Variants in LCN8 observed in about 807,000 individuals in gnomAD.
LCN8 encodes lipocalin 8.
Under a neutral mutation model 22.8 loss-of-function variants are expected in LCN8, and 16 were observed. The observed-to-expected ratio is 0.70, with a 90% CI of 0.47 to 1.06. LCN8 has a LOEUF of 1.06. Among genes scored for constraint, LCN8 ranks in the 50% least tolerant of loss-of-function variants. The pLI, the probability that LCN8 is intolerant of heterozygous loss-of-function variation, is 0.00. For synonymous variants in LCN8, 92 were observed against 83.4 expected (o/e 1.10, Z -0.56); for missense variants, 189 against 203.3 (o/e 0.93, Z 0.43).
intron 2 of LCN8, 52 bp downstream of exon 2, chr9:136,756,986 A>G: frequency 6.3e-7 from 1 of 1,591,306 alleles, no homozygotes; most frequent in Non-Finnish European, 8.6e-7. Flanking sequence ...ACCCACGCCC[A>G]GTCCCCGGCC....
intron 6 of LCN8, 37 bp from the exon 7 acceptor site, chr9:136,754,546 G>T (rs1847137555): frequency 6.5e-7 from 1 of 1,548,458 alleles, no homozygotes; most frequent in African/African-American, 1.4e-5. Context: ...GGCCCGTGTG[G>T]TCTCTGGAGG....
At chr9:136,754,663 G>A (rs1257489552) in intron 6 of LCN8, 154 bp from the exon 7 acceptor site, 2 of 1,433,770 alleles carry the variant, frequency 1.4e-6, no homozygotes, top group Non-Finnish European at 1.8e-6. Context: ...TGCAAAATGG[G>A]GTAACAGGCC....
Position 136,757,161 on chromosome 9 carries a change from C to T in LCN8, c.32G>A (p.Gly11Glu). The change falls in exon 2 of 7, where the codon GGA becomes GAA. Residue 11 changes from glycine to glutamate, a missense_variant. Coordinates refer to ENST00000371688, the MANE Select transcript of LCN8 (RefSeq NM_178469.4). ...GGCCACACCGACTTCCCTCCAGAATCCTCCAATCTAGAGAGATACGGAGCC... is the reference window on the plus strand; with the variant it reads ...GGCCACACCGACTTCCCTCCAGAATTCTCCAATCTAGAGAGATACGGAGCC... MEELDRQKIGGFWREVGVASD... is the reference protein window; with the variant it reads MEELDRQKIGEFWREVGVASD... 1 of 1,612,522 alleles carries T rather than the reference C, an allele frequency of 6.2e-7. No individual in the cohort carries two copies. The highest frequency in any genetic ancestry group is 8.5e-7 in the Non-Finnish European group (1 of 1,179,374).
intron 3 of LCN8, chr9:136,756,081 CAGGGAACAGCAT>C (rs1847185595): frequency 7.8e-7 from 1 of 1,286,168 alleles, no homozygotes; most frequent in Non-Finnish European, 1.0e-6. Context: ...GGGAGCATTG[CAGGGAACAGCAT>C]GGGGAACAGT....
At position 136,755,392 on chromosome 9, in the gene LCN8, C is replaced by T. The variant is rs532072157; in HGVS notation, c.331+20G>A. ...CTGGGAGAGCAGCAGCTGGGCAGAG[C>T]CCCCCAGGGCCAAGCTTACTAAAGT... On this transcript the variant is annotated intron_variant, in intron 4 of 6. Transcript: ENST00000371688. The T allele has an allele frequency of 3.9e-5, 63 of 1,610,608 alleles. No homozygotes were observed. The highest frequency in any genetic ancestry group is 5.2e-5 in the Non-Finnish European group (61 of 1,179,924).
chr9:136,756,033 T>TGGGGAACAGTGCAGGGAGCAGTGC (rs1264436215), intron 3 of LCN8: 2 of 1,283,526 alleles, frequency 1.6e-6, no homozygotes, highest in Non-Finnish European at 2.0e-6. Context: ...GGAAACAGCA[T>TGGGGAACAGTGCAGGGAGCAGTGC]GGGGAACAGT....
At chr9:136,756,806 T>C (rs916992485) in intron 2 of LCN8, among the ~76,000 whole-genome samples, 1 of 152,210 alleles carries the variant, frequency 6.6e-6, no homozygotes, top group African/African-American at 2.4e-5. Context: ...ACACCCCTTT[T>C]CCTTCCTTCT....
chr9:136,757,932 G>T lies in LCN8; in HGVS notation c.-2C>A, dbSNP rs1291333871. 1 of 1,613,316 alleles carries T rather than the reference G, an allele frequency of 6.2e-7. No individual in the cohort carries two copies. The highest frequency in any genetic ancestry group is 1.3e-5 in the African/African-American group (1 of 74,912). Reference sequence around the variant, plus strand: ...CTTCTGCCGGTCCAGCTCCTCCATGGCTGCTGCCACCTGCGCCCGGAGCAC... The same window carrying T: ...CTTCTGCCGGTCCAGCTCCTCCATGTCTGCTGCCACCTGCGCCCGGAGCAC... On this transcript the variant is annotated 5_prime_UTR_variant, in exon 1 of 7. Coordinates refer to ENST00000371688, the MANE Select transcript of LCN8 (RefSeq NM_178469.4).
At position 136,756,559 on chromosome 9, in the gene LCN8, G is replaced by T. The variant is rs1040951456; in HGVS notation, c.189C>A (p.Gly63=). The change falls in exon 3 of 7, where the codon GGC becomes GGA. Residue 63 remains glycine (G), a synonymous_variant. Coordinates refer to ENST00000371688, the MANE Select transcript of LCN8 (RefSeq NM_178469.4). ...ATTTTCCCGTACTGTCTATTTCTGA[G>T]CCCACGATCTTCTCTATCTCACAGC... ...SGSCEIEKIV[G]SEIDSTGKFA... 3.1e-6 allele frequency: 5 copies of T among 1,613,882 alleles called. No individual in the cohort carries two copies. The Admixed American group carries it at 8.3e-5, about 27-fold the overall frequency.
At chr9:136,757,234 G>A (rs1361231211) in intron 1 of LCN8, 66 bp from the exon 2 acceptor site, 25 of 1,565,960 alleles carry the variant, frequency 1.6e-5, no homozygotes, top group Non-Finnish European at 1.6e-5. Context: ...GGCATTCCAC[G>A]AACCCCCGGG....
intron 6 of LCN8, 88 bp downstream of exon 6, chr9:136,755,047 C>T (rs1337528445): frequency 1.2e-5 from 18 of 1,445,126 alleles, no homozygotes; most frequent in South Asian, 4.5e-5. Context: ...GGCCGGGAGG[C>T]GGAGCCACGG....
intron 6 of LCN8, 146 bp downstream of exon 6, chr9:136,754,989 G>A: frequency 7.0e-7 from 1 of 1,421,970 alleles, no homozygotes; most frequent in South Asian, 1.6e-5. Flanking sequence ...GCCCACCAGT[G>A]GTGTTTGGTG....
Position 136,755,226 on chromosome 9 carries a change from C to T in LCN8, c.421+18G>A. On this transcript the variant is annotated intron_variant, in intron 5 of 6. Transcript: ENST00000371688. The stretch of plus-strand genomic sequence containing the variant: ...ACAGGGCCCAGCCCAGCCTCCACCC[C>T]AAGGCCCCTGGGCTCACCAGGCCGG... 2 of 1,612,116 alleles carry T rather than the reference C, an allele frequency of 1.2e-6. No individual in the cohort carries two copies. The highest frequency in any genetic ancestry group is 2.2e-5 in the South Asian group (2 of 90,952).
rs1289547908 is a variant in LCN8 at position 136,755,259 on chromosome 9, G to C, written c.406C>G (p.Leu136Val). Residue 136 changes from leucine (L) to valine (V), a missense_variant, in exon 5 of 7, where the codon CTG (leucine) becomes GTG (valine). Transcript: ENST00000371688. The part of the protein sequence containing the change: ...RELTADTGLY[L>V]AARPGRCAEL... ...CTGGGCTCACCAGGCCGGGCCGCCA[G>C]GTAGAGACCAGTGTCTGCTGTCAGC... The C allele has an allele frequency of 6.2e-7, 1 of 1,612,576 alleles. No individual in the cohort carries two copies. The highest frequency in any genetic ancestry group is 1.3e-5 in the African/African-American group (1 of 75,078).
At chr9:136,758,329 GT>G (rs1847257461), upstream of LCN8, 11 of 1,105,364 alleles carry the variant, frequency 1.0e-5, no homozygotes, top group Non-Finnish European at 1.2e-5. Flanking sequence ...CATGACACTT[GT>G]TTTTTTGGGC....
chr9:136,756,071 GGGAGCATTGCA>G, intron 3 of LCN8: 1 of 1,301,424 alleles, frequency 7.7e-7, no homozygotes, highest in African/African-American at 1.5e-5. Flanking sequence ...GAACAGTGCA[GGGAGCATTGCA>G]GGGAACAGCA....
In LCN8 at chr9:136,757,087, A is replaced by G. The variant is rs1451271595; in HGVS notation, c.106T>C (p.Phe36Leu). ...AGGTTACTCCCGCTCAAGGTGAGGA[A>G]CAAGCCCTCCACCCGCTTCGGGGCC... ...LTAPKRVEGL[F>L]LTLSGSNLTV... is the part of the protein sequence containing the mutation. The change falls in exon 2 of 7, where the codon TTC becomes CTC. Residue 36 changes from phenylalanine (F) to leucine (L), a missense_variant. Phe to Leu is a conservative substitution (Grantham distance 22). Transcript: ENST00000371688. The G allele has an allele frequency of 6.2e-7, 1 of 1,613,632 alleles. No individual in the cohort carries two copies. Among genetic ancestry groups the G allele is most frequent in the South Asian group, 1.1e-5 (1 of 90,946 alleles).
At chr9:136,755,594 C>A (rs1847166298) in intron 3 of LCN8, 78 bp from the exon 4 acceptor site, 1 of 1,542,882 alleles carries the variant, frequency 6.5e-7, no homozygotes, top group East Asian at 2.4e-5. Context: ...CAGGGTCTAA[C>A]TCCATCCTGC....
rs1235979167 is a variant in LCN8 at position 136,754,552 on chromosome 9, G to T, written c.448-43C>A. 6 of 1,547,246 alleles carry T rather than the reference G, an allele frequency of 3.9e-6. No individual in the cohort carries two copies. The African/African-American group carries it at 6.8e-5, about 18-fold the overall frequency. ...AGGGGCTCAGGCCCGTGTGGTCTCT[G>T]GAGGCCCCACGGGGCTTCGATGAGG... On this transcript the variant is annotated intron_variant, in intron 6 of 6. Transcript: ENST00000371688.
Sources: gnomAD v4.1 joint callset for allele counts (sites outside exome capture counted in the v4.1 genomes callset) on GRCh38, gnomAD v4.1.1 for gene constraint, MANE v1.5 for transcripts, NCBI Gene and HGNC (gene_info 2026-07-23, HGNC 2026-07-21) for gene names.